PSD3: variants seen among roughly 807,000 people sequenced by gnomAD.
PSD3 encodes pleckstrin and Sec7 domain containing 3, also known as PH and SEC7 domain-containing protein 3.
In PSD3, 49 loss-of-function variants were observed where a neutral mutation model predicts 105.5. The observed-to-expected ratio is 0.46, with a 90% CI of 0.37 to 0.59. The LOEUF is 0.59. Among genes scored for constraint, PSD3 ranks in the 20% least tolerant of loss-of-function variants. The pLI is 0.00. For missense variants in PSD3, 1,561 were observed against 1,263.8 expected (o/e 1.24, Z -3.57); for synonymous variants, 557 against 457.8 (o/e 1.22, Z -2.77).
At position 18,755,257 on chromosome 8, in the gene PSD3, CT is replaced by C. The variant is rs2129440484; in HGVS notation, c.2172+10191del. Among the ~76,000 whole-genome samples, 2 of 152,052 alleles carry C rather than the reference CT, an allele frequency of 1.3e-5. 1 individual carries two copies. Among genetic ancestry groups the C allele is most frequent in the East Asian group, 3.9e-4 (2 of 5,136 alleles). On this transcript the variant is annotated intron_variant, in intron 9 of 15. Coordinates refer to ENST00000327040, the MANE Select transcript of PSD3 (RefSeq NM_015310.4). ...CAGCCTGGTCAACATGGTGAAACCC[CT>C]GTCCCTACTAAAAATACAAAAATTA...
chr8:18,880,738 G>A (rs1182052678), intron 2 of PSD3, among the ~76,000 whole-genome samples: 2 of 152,134 alleles, frequency 1.3e-5, no homozygotes, highest in Non-Finnish European at 2.9e-5. Context: ...TATTACTAAT[G>A]TAAGAATCCA....
intron 12 of PSD3, among the ~76,000 whole-genome samples, chr8:18,585,462 C>T (rs1482357138): frequency 6.6e-6 from 1 of 152,108 alleles, no homozygotes; most frequent in Non-Finnish European, 1.5e-5. Context: ...GGACCACAGG[C>T]AAGTACCACT....
chr8:18,736,398 T>C (rs917792968), intron 9 of PSD3, among the ~76,000 whole-genome samples: 2 of 152,198 alleles, frequency 1.3e-5, no homozygotes. Context: ...TGGCACACCA[T>C]GAAAATTTTT....
rs545680531 is a variant in PSD3 at position 18,716,648 on chromosome 8, G to C, written c.2172+48801C>G. Among the ~76,000 whole-genome samples the C allele has an allele frequency of 2.6e-5, 4 of 152,300 alleles. No individual in the cohort carries two copies. In the South Asian group the frequency reaches 6.2e-4, roughly 24 times the overall value. ...GTCTAAATGTATTTTCCTAAGTGTA[G>C]AAGGATGTTATAGGATGAGGATTTT... On this transcript the variant is annotated intron_variant, in intron 9 of 15. Transcript: ENST00000327040.
At position 18,796,537 on chromosome 8, in the gene PSD3, C is replaced by A. The variant is rs570668211; in HGVS notation, c.2082+2758G>T. Among the ~76,000 whole-genome samples the A allele has an allele frequency of 6.8e-4, 103 of 152,262 alleles. 1 individual carries two copies. The South Asian group carries it at 0.013, about 20-fold the overall frequency. Reference sequence around the variant, plus strand: ...TGTAAGTAAAATATTAGTATACATTCCATTATTTTATTAGTAAGGAAATTA... The same window carrying A: ...TGTAAGTAAAATATTAGTATACATTACATTATTTTATTAGTAAGGAAATTA... On this transcript the variant is annotated intron_variant, in intron 8 of 15. Coordinates refer to ENST00000327040, the MANE Select transcript of PSD3 (RefSeq NM_015310.4).
At chr8:18,661,783 G>T (rs1452917373) in intron 9 of PSD3, among the ~76,000 whole-genome samples, 2 of 152,146 alleles carry the variant, frequency 1.3e-5, no homozygotes, top group East Asian at 1.9e-4. Context: ...AGAATTCACA[G>T]GTAGATCCAT....
chr8:18,623,235 T>C (rs1294267009), intron 11 of PSD3, among the ~76,000 whole-genome samples: 1 of 48,366 alleles, frequency 2.1e-5, no homozygotes, highest in Non-Finnish European at 4.0e-5. Flanking sequence ...CTAATTGTAA[T>C]TTTCCTGTGC....
chr8:18,633,917 C>A (rs576455460), intron 10 of PSD3, among the ~76,000 whole-genome samples: 1 of 152,162 alleles, frequency 6.6e-6, no homozygotes, highest in African/African-American at 2.4e-5. Flanking sequence ...TGCAGCCCCA[C>A]TGGCATCTGT....
intron 9 of PSD3, among the ~76,000 whole-genome samples, chr8:18,694,606 T>C (rs1011288275): frequency 2.0e-4 from 12 of 58,560 alleles, no homozygotes; most frequent in African/African-American, 6.9e-4. Context: ...TGAGACTGCA[T>C]CTCCGAAAAA....
intron 14 of PSD3, among the ~76,000 whole-genome samples, chr8:18,563,933 G>C (rs1263324156): frequency 6.6e-6 from 1 of 152,074 alleles, no homozygotes; most frequent in African/African-American, 2.4e-5. Context: ...TCCAAAGTGG[G>C]GTGTGTGTAG....
intron 14 of PSD3, among the ~76,000 whole-genome samples, chr8:18,557,897 C>A (rs1394236749): frequency 6.6e-6 from 1 of 152,160 alleles, no homozygotes; most frequent in Non-Finnish European, 1.5e-5. Context: ...CAAAATTAAC[C>A]TTCAGTGTAG....
At position 18,963,736 on chromosome 8, in the gene PSD3, T is replaced by A. The variant is rs141617625; in HGVS notation, c.22-27594A>T. On this transcript the variant is annotated intron_variant, in intron 1 of 15. Coordinates refer to ENST00000327040, the MANE Select transcript of PSD3 (RefSeq NM_015310.4). Reference sequence around the variant, plus strand: ...AATAATTTATTAACAGTACTCCAAATTTAATGAAATAGCAATATTTTAAGA... The same window carrying A: ...AATAATTTATTAACAGTACTCCAAAATTAATGAAATAGCAATATTTTAAGA... Among the ~76,000 whole-genome samples, 729 of 152,300 alleles carry A rather than the reference T, an allele frequency of 4.8e-3. 4 individuals are homozygous for A. The highest frequency in any genetic ancestry group is 0.017 in the African/African-American group (693 of 41,570).
chr8:18,664,874 T>C (rs889095306), intron 9 of PSD3, among the ~76,000 whole-genome samples: 1 of 152,218 alleles, frequency 6.6e-6, no homozygotes, highest in Non-Finnish European at 1.5e-5. Flanking sequence ...GCTCTTTAAG[T>C]GTAACAACAA....
chr8:18,788,138 G>A (rs1809360869), intron 8 of PSD3, among the ~76,000 whole-genome samples: 1 of 152,184 alleles, frequency 6.6e-6, no homozygotes, highest in Non-Finnish European at 1.5e-5. Context: ...CCAGAAGGAA[G>A]TGGTATTGGT....
rs115290737 is a variant in PSD3, at chr8:19,020,515, C to T, written c.324+63691G>A. Among the ~76,000 whole-genome samples, 1,469 of 151,990 alleles carry T rather than the reference C, an allele frequency of 9.7e-3. 24 individuals are homozygous for T. Among genetic ancestry groups the T allele is most frequent in the African/African-American group, 0.033 (1,383 of 41,422 alleles). ...GTATTCAGAGATGTCGTAAGTGGGA[C>T]CTTATAGGTTGTTGTAAAGACCCTT... On this transcript the variant is annotated intron_variant, in intron 1 of 1. Coordinates refer to the PSD3 transcript ENST00000521475.
At chr8:19,017,627 A>G (rs777152610), upstream of PSD3, among the ~76,000 whole-genome samples, 2 of 152,182 alleles carry the variant, frequency 1.3e-5, no homozygotes, top group Admixed American at 6.5e-5. Context: ...AGATTTGCCT[A>G]TTCTGGACAT....
At chr8:18,759,768 T>C (rs1175979608) in intron 9 of PSD3, among the ~76,000 whole-genome samples, 3 of 152,086 alleles carry the variant, frequency 2.0e-5, no homozygotes, top group African/African-American at 7.2e-5. Context: ...ACCCTTTATG[T>C]TCCTAGACCA....
chr8:18,947,755 G>A (rs887114096), intron 1 of PSD3, among the ~76,000 whole-genome samples: 6 of 152,156 alleles, frequency 3.9e-5, no homozygotes, highest in Non-Finnish European at 5.9e-5. Flanking sequence ...TCTAGGAACC[G>A]TGCCTGGCCT....
At chr8:19,084,393 T>G (rs1467703719) in exon 1 of PSD3, 1 of 456,090 alleles carries the variant, frequency 2.2e-6, no homozygotes, top group East Asian at 6.9e-5. Context: ...ATCTGCAGCG[T>G]GGACCAGGAC....
Sources: gnomAD v4.1 joint callset for allele counts (sites outside exome capture counted in the v4.1 genomes callset) on GRCh38, gnomAD v4.1.1 for gene constraint, MANE v1.5 for transcripts, NCBI Gene and HGNC (gene_info 2026-07-23, HGNC 2026-07-21) for gene names.